The following NDNF variants were observed in gnomAD, a reference collection of about 807,000 sequenced individuals.
The protein encoded by NDNF is protein NDNF.
Under a neutral mutation model 42.0 loss-of-function variants are expected in NDNF, and 16 were observed. The observed-to-expected ratio is 0.38, with a 90% CI of 0.26 to 0.58. The LOEUF (loss-of-function observed/expected upper bound fraction) is 0.58. Among genes scored for constraint, NDNF ranks in the 20% least tolerant of loss-of-function variants. The pLI, the probability that NDNF is intolerant of heterozygous loss-of-function variation, is 0.67. For synonymous variants in NDNF, 248 were observed against 251.7 expected (o/e 0.99, Z 0.14); for missense variants, 616 against 666.2 (o/e 0.92, Z 0.83).
intron 1 of NDNF, among the ~76,000 whole-genome samples, chr4:121,068,807 G>A (rs1727542417): frequency 6.6e-6 from 1 of 152,086 alleles, no homozygotes; most frequent in African/African-American, 2.4e-5. Flanking sequence ...ATCTTAATTA[G>A]CACATATGAT....
At chr4:121,055,718 C>T (rs1328822360) in intron 1 of NDNF, among the ~76,000 whole-genome samples, 1 of 152,124 alleles carries the variant, frequency 6.6e-6, no homozygotes, top group African/African-American at 2.4e-5. Flanking sequence ...AATAAAAAGA[C>T]TGATTTCAAT....
At chr4:121,052,961 G>A (rs116608000) in intron 1 of NDNF, among the ~76,000 whole-genome samples, 2,606 of 152,230 alleles carry the variant, frequency 0.017, 38 homozygotes, top group East Asian at 0.049. Context: ...CTGCCCTGAC[G>A]AGTGGTCTCT....
At chr4:121,038,776 C>G (rs540313482) in intron 3 of NDNF, 2 of 152,114 alleles carry the variant, frequency 1.3e-5, no homozygotes, top group African/African-American at 4.8e-5. Flanking sequence ...TGCTTGAGCT[C>G]AGGAGTTTGA....
At chr4:121,065,178 A>T (rs1023290051) in intron 1 of NDNF, among the ~76,000 whole-genome samples, 7 of 152,176 alleles carry the variant, frequency 4.6e-5, no homozygotes, top group African/African-American at 1.7e-4. Flanking sequence ...TTCCATGACC[A>T]TCTGATATCC....
chr4:121,045,383 G>A (rs1727072961), intron 2 of NDNF, among the ~76,000 whole-genome samples: 2 of 150,940 alleles, frequency 1.3e-5, no homozygotes, highest in African/African-American at 4.9e-5. Context: ...CTCCTGTACT[G>A]AAAAGAAGAA....
intron 1 of NDNF, among the ~76,000 whole-genome samples, chr4:121,058,057 C>T (rs184730832): frequency 6.6e-5 from 10 of 152,282 alleles, no homozygotes; most frequent in Admixed American, 2.6e-4. Flanking sequence ...TAAAAAAGCT[C>T]TTCATGGGGC....
intron 1 of NDNF, among the ~76,000 whole-genome samples, chr4:121,053,305 T>C (rs1727231987): frequency 6.6e-6 from 1 of 152,206 alleles, no homozygotes; most frequent in South Asian, 2.1e-4. Flanking sequence ...AAAGTTTCCA[T>C]TCTGTCATGC....
chr4:121,056,721 T>C (rs1727302896), intron 1 of NDNF, among the ~76,000 whole-genome samples: 1 of 152,240 alleles, frequency 6.6e-6, no homozygotes, highest in South Asian at 2.1e-4. Flanking sequence ...ACTTACCATA[T>C]TAACAAGACA....
In NDNF at chr4:121,037,538, A is replaced by T; in HGVS notation, c.433T>A (p.Leu145Ile). ...GTTGAAAGAAGATCCAACTGATATA[A>T]ACCGGATGGGGAACTAGACGATATA... The part of the protein sequence containing the change: ...YFISSSSPSG[L>I]YQLDLLSTEK... Residue 145 changes from leucine (L) to isoleucine (I), a missense_variant, in exon 4 of 4, where the codon TTA becomes ATA. Leu to Ile is a conservative substitution (Grantham distance 5). Coordinates refer to ENST00000379692, the MANE Select transcript of NDNF (RefSeq NM_024574.4). 6.2e-7 allele frequency: 1 copy of T among 1,613,948 alleles called. No individual in the cohort carries two copies.
intron 1 of NDNF, among the ~76,000 whole-genome samples, chr4:121,055,360 G>A (rs1238027182): frequency 6.6e-6 from 1 of 152,154 alleles, no homozygotes; most frequent in African/African-American, 2.4e-5. Context: ...GATATGCTTT[G>A]CAGTTGGATT....
chr4:121,069,851 TAA>T (rs1727559733), intron 1 of NDNF, among the ~76,000 whole-genome samples: 1 of 152,194 alleles, frequency 6.6e-6, no homozygotes, highest in African/African-American at 2.4e-5. Context: ...TTTAAACTCA[TAA>T]GAGTCACTTC....
rs142573660 is a variant in NDNF at position 121,066,811 on chromosome 4, A to G, written c.-2+5182T>C. ...TGATTTTCAGTTGTTGATAAAACAC[A>G]TATTTGAATATAGTCCATATTTTTG... On this transcript the variant is annotated intron_variant, in intron 1 of 3. Coordinates refer to ENST00000379692, the MANE Select transcript of NDNF (RefSeq NM_024574.4). Among the ~76,000 whole-genome samples the G allele has an allele frequency of 2.6e-4, 39 of 152,340 alleles. 1 individual carries two copies. The East Asian group carries it at 6.9e-3, about 27-fold the overall frequency.
At chr4:121,070,530 C>G (rs1727572694) in intron 1 of NDNF, among the ~76,000 whole-genome samples, 1 of 151,850 alleles carries the variant, frequency 6.6e-6, no homozygotes, top group East Asian at 1.9e-4. Context: ...AGATTCCCTC[C>G]GTCAGAAAAG....
intron 1 of NDNF, among the ~76,000 whole-genome samples, chr4:121,049,488 T>G (rs999433735): frequency 6.6e-6 from 1 of 152,180 alleles, no homozygotes; most frequent in South Asian, 2.1e-4. Flanking sequence ...ATAATGATAC[T>G]CTGCCTGAGT....
At chr4:121,050,221 T>C (rs191914735) in intron 1 of NDNF, among the ~76,000 whole-genome samples, 2 of 152,358 alleles carry the variant, frequency 1.3e-5, no homozygotes, top group African/African-American at 4.8e-5. Context: ...GTCTCAGATA[T>C]ACAATTTAAG....
Position 121,036,414 on chromosome 4 carries a change from G to A in NDNF, c.1557C>T (p.His519=). 2 of 1,614,180 alleles carry A rather than the reference G, an allele frequency of 1.2e-6. No individual in the cohort carries two copies. The highest frequency in any genetic ancestry group is 4.5e-5 in the East Asian group (2 of 44,876). The part of the protein sequence containing the change: ...KSEKVLCKYF[H]SQNLQKAVTT... ...TCACTGCTTTCTGCAGGTTTTGACT[G>A]TGGAAATATTTACAGAGGACCTTTT... Residue 519 remains histidine (H), a synonymous_variant, in exon 4 of 4, where the codon CAC becomes CAT. Transcript: ENST00000379692.
chr4:121,035,926 G>A lies in NDNF; in HGVS notation c.*338C>T, dbSNP rs1166756987. The A allele has an allele frequency of 1.1e-5, 2 of 189,310 alleles. 1 individual carries two copies. The highest frequency in any genetic ancestry group is 2.8e-4 in the East Asian group (2 of 7,194). 11.7% of individuals were successfully genotyped at this position (189,310 alleles called of 1,614,324 possible). A position where few individuals can be genotyped will look rare whatever the true frequency, so the allele number is the denominator to read the frequency against. On this transcript the variant is annotated 3_prime_UTR_variant, in exon 4 of 4. Transcript: ENST00000379692. The stretch of plus-strand genomic sequence containing the variant: ...AGGAATGATTTGCATTTGTGGGTGT[G>A]TGCAATGAATGGCATATTTTAAATT...
Position 121,040,105 on chromosome 4 carries a change from C to T in NDNF, c.189-51G>A, listed in dbSNP as rs368649427. On this transcript the variant is annotated intron_variant, in intron 2 of 3. Transcript: ENST00000379692. ...CCGTGGTAATTCTTTCTAACATTTA[C>T]AATCAAGACTTACCAGAAAAATCAT... is the stretch of plus-strand genomic sequence containing the variant. The T allele has an allele frequency of 1.4e-4, 212 of 1,536,128 alleles. No individual in the cohort carries two copies. The African/African-American group carries it at 2.8e-3, about 21-fold the overall frequency.
chr4:121,037,451 G>C lies in NDNF; in HGVS notation c.520C>G (p.Pro174Ala). 6.2e-7 allele frequency: 1 copy of C among 1,614,088 alleles called. No individual in the cohort carries two copies. Among genetic ancestry groups the C allele is most frequent in the African/African-American group, 1.3e-5 (1 of 75,004 alleles). ...ACTCTTGGGTCATAGGGTAACTCAG[G>C]GTATGGCTGATCAGATTCTGGAGTT... ...TTTPESDQPYPELPYDPRVDV... is the reference protein window; with the variant it reads ...TTTPESDQPYAELPYDPRVDV... Residue 174 changes from proline (P) to alanine (A), a missense_variant, in exon 4 of 4, where the codon CCT becomes GCT. By Grantham distance (27) the Pro-to-Ala change is conservative. Coordinates refer to ENST00000379692, the MANE Select transcript of NDNF (RefSeq NM_024574.4).
Sources: gnomAD v4.1 joint callset for allele counts (sites outside exome capture counted in the v4.1 genomes callset) on GRCh38, gnomAD v4.1.1 for gene constraint, MANE v1.5 for transcripts, NCBI Gene and HGNC (gene_info 2026-07-23, HGNC 2026-07-21) for gene names.